Variants in ZNRF2 observed in about 807,000 individuals in gnomAD.
ZNRF2 encodes the protein E3 ubiquitin-protein ligase ZNRF2.
In ZNRF2, 16 loss-of-function variants were observed where a neutral mutation model predicts 20.4. The ratio of observed to expected loss-of-function variants is 0.79; its 90% CI spans 0.53 to 1.19. ZNRF2 has a LOEUF of 1.19. ZNRF2 is among the 50% of genes most tolerant of loss of function. The probability of loss-of-function intolerance (pLI) is 0.00; values close to 1 mark genes in which losing one functional copy is unlikely to be tolerated. For missense variants in ZNRF2, 363 were observed against 332.4 expected, an observed-to-expected ratio of 1.09 and a Z score of -0.72; for synonymous variants, 178 against 144.9, an observed-to-expected ratio of 1.23 and a Z score of -1.64.
At chr7:30,293,169 A>G (rs2128055483) in intron 1 of ZNRF2, among the ~76,000 whole-genome samples, 1 of 151,972 alleles carries the variant, frequency 6.6e-6, no homozygotes, top group Non-Finnish European at 1.5e-5. Context: ...GTTGTTCCTT[A>G]TGGTTGAGCA....
chr7:30,295,179 A>C (rs1365296139), intron 1 of ZNRF2, among the ~76,000 whole-genome samples: 1 of 150,720 alleles, frequency 6.6e-6, no homozygotes, highest in African/African-American at 2.4e-5. Flanking sequence ...TGTACTTCCA[A>C]CTACATGCGA....
chr7:30,314,561 A>G (rs1161648065), intron 1 of ZNRF2, among the ~76,000 whole-genome samples: 1 of 152,108 alleles, frequency 6.6e-6, no homozygotes, highest in Non-Finnish European at 1.5e-5. Flanking sequence ...CTAGAAGGTA[A>G]TAAAAGGGTA....
rs1172820621 is a variant in ZNRF2, at chr7:30,285,562, G to GCGGCGGCCC, written c.210_218dup (p.Ala76_Pro78dup). The stretch of plus-strand genomic sequence containing the variant: ...CGCCTCCGGCGGCGCCGCGGCGGCC[G>GCGGCGGCCC]CGGCGGCCCCGGCAGCCCCGGCGGC... On this transcript the variant is annotated inframe_insertion, in exon 1 of 5. Coordinates refer to ENST00000323037, the MANE Select transcript of ZNRF2 (RefSeq NM_147128.4). The GCGGCGGCCC allele has an allele frequency of 1.8e-5, 18 of 974,334 alleles. No homozygotes were observed. Among genetic ancestry groups the GCGGCGGCCC allele is most frequent in the East Asian group, 1.2e-4 (1 of 8,446 alleles). 60.4% of individuals were successfully genotyped at this position (974,334 alleles called of 1,614,324 possible).
chr7:30,345,011 G>T (rs535062480), intron 2 of ZNRF2, among the ~76,000 whole-genome samples: 2 of 152,258 alleles, frequency 1.3e-5, no homozygotes, highest in Non-Finnish European at 2.9e-5. Context: ...AATGCCCAAA[G>T]AACTCTTTTT....
chr7:30,297,102 T>C (rs1324940655), intron 1 of ZNRF2, among the ~76,000 whole-genome samples: 1 of 152,222 alleles, frequency 6.6e-6, no homozygotes, highest in African/African-American at 2.4e-5. Flanking sequence ...ATTTTGTGTT[T>C]TCTCTTTTGT....
chr7:30,337,128 T>C (rs1302868854), intron 2 of ZNRF2, among the ~76,000 whole-genome samples: 1 of 152,176 alleles, frequency 6.6e-6, no homozygotes, highest in African/African-American at 2.4e-5. Context: ...CAGCAGTGTT[T>C]TCTGGTTTTA....
rs190260202 is a variant in ZNRF2, at chr7:30,342,312, C to A, written c.566-13416C>A. Among the ~76,000 whole-genome samples the A allele has an allele frequency of 1.5e-3, 236 of 152,258 alleles. 1 individual carries two copies. Among genetic ancestry groups the A allele is most frequent in the Non-Finnish European group, 2.2e-3 (148 of 68,012 alleles). ...TTTTCCCTGTTAGTTGATGCAATTT[C>A]TTCATAGTGTTGATGGTGATTACAG... On this transcript the variant is annotated intron_variant, in intron 2 of 4. Transcript: ENST00000323037.
intron 1 of ZNRF2, among the ~76,000 whole-genome samples, chr7:30,314,590 AAG>A (rs1030809366): frequency 6.6e-6 from 1 of 151,846 alleles, no homozygotes; most frequent in African/African-American, 2.4e-5. Flanking sequence ...AAAAGCAAAA[AAG>A]GGAAAAAAGG....
intron 2 of ZNRF2, among the ~76,000 whole-genome samples, chr7:30,341,898 G>T (rs1258117789): frequency 6.6e-6 from 1 of 152,062 alleles, no homozygotes; most frequent in African/African-American, 2.4e-5. Flanking sequence ...GAAAATCTGG[G>T]TGCTCCTGTA....
intron 4 of ZNRF2, among the ~76,000 whole-genome samples, chr7:30,365,649 G>GT (rs1038902392): frequency 6.6e-6 from 1 of 152,144 alleles, no homozygotes; most frequent in African/African-American, 2.4e-5. Flanking sequence ...AAAACATTTT[G>GT]TAAGGCACTG....
In ZNRF2 at chr7:30,366,912, T is replaced by C. The variant is rs1340269672; in HGVS notation, c.*900T>C. On this transcript the variant is annotated 3_prime_UTR_variant, in exon 5 of 5. Coordinates refer to ENST00000323037, the MANE Select transcript of ZNRF2 (RefSeq NM_147128.4). ...TAACGGGTATCTTTTGTTTGTTCTT[T>C]TCACTTAATTATTTTATTGTGCTTT... 1 of 152,566 alleles carries C rather than the reference T, an allele frequency of 6.6e-6. No homozygotes were observed. The highest frequency in any genetic ancestry group is 1.5e-5 in the Non-Finnish European group (1 of 67,978). 9.5% of individuals were successfully genotyped at this position (152,566 alleles called of 1,614,324 possible).
intron 2 of ZNRF2, among the ~76,000 whole-genome samples, chr7:30,345,692 T>G (rs1799865662): frequency 6.6e-6 from 1 of 152,150 alleles, no homozygotes; most frequent in Admixed American, 6.5e-5. Context: ...TAAACATGGT[T>G]ATTTTATTCT....
chr7:30,331,838 CATTTCTAAA>C (rs1207417892), intron 2 of ZNRF2, among the ~76,000 whole-genome samples: 1 of 152,118 alleles, frequency 6.6e-6, no homozygotes, highest in Non-Finnish European at 1.5e-5. Context: ...TTTGTGTTAA[CATTTCTAAA>C]ATGCTTCTTG....
chr7:30,315,889 G>A (rs1007980439), intron 1 of ZNRF2, among the ~76,000 whole-genome samples: 2 of 152,060 alleles, frequency 1.3e-5, no homozygotes, highest in African/African-American at 2.4e-5. Context: ...TGTGTCATGA[G>A]AGGCACACTA....
At chr7:30,360,521 C>T (rs924398983) in intron 3 of ZNRF2, among the ~76,000 whole-genome samples, 5 of 147,416 alleles carry the variant, frequency 3.4e-5, no homozygotes, top group African/African-American at 1.3e-4. Context: ...AACCTTGTCT[C>T]TACTGGAAAA....
intron 2 of ZNRF2, among the ~76,000 whole-genome samples, chr7:30,334,030 C>A (rs1025059624): frequency 2.0e-5 from 3 of 152,028 alleles, no homozygotes; most frequent in African/African-American, 4.8e-5. Flanking sequence ...ATTTTTGTTG[C>A]GTTTGCCTTT....
At chr7:30,326,532 A>G (rs1413121618) in intron 2 of ZNRF2, among the ~76,000 whole-genome samples, 4 of 152,262 alleles carry the variant, frequency 2.6e-5, no homozygotes, top group Non-Finnish European at 2.9e-5. Flanking sequence ...TATCCAGTCT[A>G]TCATTTGATG....
intron 3 of ZNRF2, among the ~76,000 whole-genome samples, chr7:30,356,787 G>C (rs1417319012): frequency 7.0e-6 from 1 of 142,198 alleles, no homozygotes; most frequent in Non-Finnish European, 1.5e-5. Flanking sequence ...CTCACTGCAA[G>C]CTCCGCCTCC....
chr7:30,292,437 A>G (rs1189380347), intron 1 of ZNRF2, among the ~76,000 whole-genome samples: 1 of 152,198 alleles, frequency 6.6e-6, no homozygotes, highest in East Asian at 1.9e-4. Context: ...CTGGGGGTAC[A>G]GCAGTGAAGA....
Sources: allele counts gnomAD v4.1 joint callset (sites outside exome capture counted in the v4.1 genomes callset), GRCh38; gene constraint gnomAD v4.1.1; transcripts MANE v1.5; gene names NCBI Gene and HGNC (gene_info 2026-07-23, HGNC 2026-07-21).